The following PRKAR2B variants were observed in gnomAD, a reference collection of about 807,000 sequenced individuals.
PRKAR2B encodes cAMP-dependent protein kinase type II-beta regulatory subunit.
In PRKAR2B, 14 loss-of-function variants were observed where a neutral mutation model predicts 49.9. That is an observed-to-expected ratio of 0.28 (90% CI 0.19 to 0.44). The LOEUF is 0.44. Ranked by LOEUF, PRKAR2B falls within the 20% of genes least tolerant of loss-of-function variation. The pLI is 1.00. For synonymous variants in PRKAR2B, 196 were observed against 197.7 expected (o/e 0.99, Z 0.07); for missense variants, 393 against 537.9 (o/e 0.73, Z 2.67).
At chr7:107,096,123 C>T (rs1367558914) in intron 2 of PRKAR2B, among the ~76,000 whole-genome samples, 5 of 152,132 alleles carry the variant, frequency 3.3e-5, no homozygotes, top group African/African-American at 7.2e-5. Flanking sequence ...GCTGTGAATC[C>T]GTCTGGTCCT....
intron 1 of PRKAR2B, among the ~76,000 whole-genome samples, chr7:107,064,577 A>G (rs1794095549): frequency 2.0e-5 from 3 of 152,224 alleles, no homozygotes; most frequent in African/African-American, 7.2e-5. Flanking sequence ...CTTGAGGTAC[A>G]TGGTTCATAA....
chr7:107,109,230 CTT>C (rs1170993016), intron 2 of PRKAR2B, among the ~76,000 whole-genome samples: 1 of 151,944 alleles, frequency 6.6e-6, no homozygotes, highest in African/African-American at 2.4e-5. Context: ...GGGCTGGTCT[CTT>C]TACTACATCA....
chr7:107,141,005 A>G, intron 5 of PRKAR2B, 52 bp downstream of exon 5: 1 of 1,306,470 alleles, frequency 7.7e-7, no homozygotes, highest in Non-Finnish European at 1.1e-6. Context: ...TTTGTGTAAA[A>G]TCTCAACCAT....
At chr7:107,069,838 G>T (rs533610002) in intron 1 of PRKAR2B, 1 of 152,702 alleles carries the variant, frequency 6.5e-6, no homozygotes, top group Admixed American at 6.5e-5. Flanking sequence ...TATCATTTAA[G>T]AAATGATGCT....
rs191701818 is a variant in PRKAR2B, at chr7:107,088,626, C to T, written c.343+18310C>T. 3.7e-3 allele frequency among the ~76,000 whole-genome samples: 565 copies of T among 152,214 alleles called. 2 individuals carry two copies. Among genetic ancestry groups the T allele is most frequent in the Admixed American group, 8.2e-3 (126 of 15,290 alleles). The stretch of plus-strand genomic sequence containing the variant: ...TTATATTTTATTTTATTTCGAGACA[C>T]TCTTGCTCTGTTTCCCAGGCTGGAG... On this transcript the variant is annotated intron_variant, in intron 2 of 10. Coordinates refer to ENST00000265717, the MANE Select transcript of PRKAR2B (RefSeq NM_002736.3).
rs186999427 is a variant in PRKAR2B at position 107,079,672 on chromosome 7, G to A, written c.343+9356G>A. Reference sequence around the variant, plus strand: ...TAGCTCACCACATTCCCTGCCATCAGCTTCCTTCCTCTCTCCCTCCCTCCC... The same window carrying A: ...TAGCTCACCACATTCCCTGCCATCAACTTCCTTCCTCTCTCCCTCCCTCCC... On this transcript the variant is annotated intron_variant, in intron 2 of 10. Coordinates refer to ENST00000265717, the MANE Select transcript of PRKAR2B (RefSeq NM_002736.3). Among the ~76,000 whole-genome samples, 89 of 152,108 alleles carry A rather than the reference G, an allele frequency of 5.9e-4. No homozygotes were observed. In the East Asian group the frequency reaches 8.9e-3, roughly 15 times the overall value.
At chr7:107,057,389 T>G (rs1355920859) in intron 1 of PRKAR2B, among the ~76,000 whole-genome samples, 1 of 152,148 alleles carries the variant, frequency 6.6e-6, no homozygotes, top group Non-Finnish European at 1.5e-5. Context: ...CTCCACTAAT[T>G]TTCATAAACG....
At chr7:107,048,524 C>T (rs961743470) in intron 1 of PRKAR2B, among the ~76,000 whole-genome samples, 1 of 152,126 alleles carries the variant, frequency 6.6e-6, no homozygotes, top group Non-Finnish European at 1.5e-5. Flanking sequence ...TTTGACCATG[C>T]AACTTGTGCC....
chr7:107,158,733 A>G (rs1264644710), intron 10 of PRKAR2B, among the ~76,000 whole-genome samples: 3 of 152,186 alleles, frequency 2.0e-5, no homozygotes, highest in Non-Finnish European at 4.4e-5. Flanking sequence ...TTTGTACACT[A>G]CTAGCAGTGC....
chr7:107,159,760 C>A lies in PRKAR2B; in HGVS notation c.*178C>A. The A allele has an allele frequency of 1.9e-6, 1 of 529,130 alleles. No homozygotes were observed. Among genetic ancestry groups the A allele is most frequent in the Non-Finnish European group, 3.1e-6 (1 of 318,416 alleles). 32.8% of individuals were successfully genotyped at this position (529,130 alleles called of 1,614,324 possible). ...TAATAGTCAATAGGCTTTAACATCA[C>A]TTTCTAAAGAGTAGTTCATAAAAAA... On this transcript the variant is annotated 3_prime_UTR_variant, in exon 11 of 11. Coordinates refer to ENST00000265717, the MANE Select transcript of PRKAR2B (RefSeq NM_002736.3).
At chr7:107,139,273 G>C (rs1795751331) in intron 4 of PRKAR2B, among the ~76,000 whole-genome samples, 1 of 152,200 alleles carries the variant, frequency 6.6e-6, no homozygotes, top group South Asian at 2.1e-4. Context: ...TGTTTAGCTT[G>C]AGCTGACAGG....
chr7:107,045,700 A>G (rs1309561701), intron 1 of PRKAR2B, among the ~76,000 whole-genome samples: 4 of 152,244 alleles, frequency 2.6e-5, no homozygotes, highest in Non-Finnish European at 5.9e-5. Flanking sequence ...TAGATTCGCT[A>G]AAAGAAGCAT....
intron 6 of PRKAR2B, among the ~76,000 whole-genome samples, chr7:107,149,495 G>A (rs1363807538): frequency 6.6e-6 from 1 of 151,990 alleles, no homozygotes; most frequent in African/African-American, 2.4e-5. Flanking sequence ...TCTTCTACTT[G>A]TGTTCTCACA....
intron 2 of PRKAR2B, among the ~76,000 whole-genome samples, chr7:107,105,733 C>T (rs1795059076): frequency 6.6e-6 from 1 of 151,998 alleles, no homozygotes; most frequent in African/African-American, 2.4e-5. Context: ...TTCCAGTGGC[C>T]CTCTTAGTGA....
chr7:107,149,904 C>T (rs1314328148), intron 6 of PRKAR2B, among the ~76,000 whole-genome samples: 1 of 151,608 alleles, frequency 6.6e-6, no homozygotes, highest in Non-Finnish European at 1.5e-5. Flanking sequence ...GGGCAGATAC[C>T]CCATTCTCTA....
chr7:107,097,766 T>C (rs574082721), intron 2 of PRKAR2B, among the ~76,000 whole-genome samples: 183 of 152,346 alleles, frequency 1.2e-3, no homozygotes, highest in Non-Finnish European at 1.7e-3. Flanking sequence ...CCTCCACTTA[T>C]GAAGCTTAGT....
chr7:107,126,345 C>T (rs1468367124), intron 3 of PRKAR2B, among the ~76,000 whole-genome samples: 1 of 145,880 alleles, frequency 6.9e-6, no homozygotes, highest in East Asian at 2.0e-4. Context: ...GGCGTGAACC[C>T]GGGAGGCGGA....
chr7:107,128,152 C>A (rs889651352), intron 3 of PRKAR2B, 60 bp from the exon 4 acceptor site: 16 of 1,096,068 alleles, frequency 1.5e-5, no homozygotes, highest in Non-Finnish European at 2.2e-5. Context: ...TTTTTAAAAT[C>A]TCTTTGAGTG....
At chr7:107,059,267 T>G (rs1037287467) in intron 1 of PRKAR2B, among the ~76,000 whole-genome samples, 3 of 144,686 alleles carry the variant, frequency 2.1e-5, no homozygotes, top group Admixed American at 7.1e-5. Flanking sequence ...AGACTCTGTC[T>G]CAAAAAAAGA....
Sources: gnomAD v4.1 joint callset for allele counts (sites outside exome capture counted in the v4.1 genomes callset) on GRCh38, gnomAD v4.1.1 for gene constraint, MANE v1.5 for transcripts, NCBI Gene and HGNC (gene_info 2026-07-23, HGNC 2026-07-21) for gene names.